The following SMARCA2 variants were observed in gnomAD, a reference collection of about 807,000 sequenced individuals.
SMARCA2 encodes SWI/SNF-related matrix-associated actin-dependent regulator of chromatin subfamily A member 2.
SMARCA2 carries 61 observed loss-of-function variants against 199.8 expected under a neutral mutation model. The observed-to-expected ratio is 0.31, with a 90% CI of 0.25 to 0.38. The LOEUF (loss-of-function observed/expected upper bound fraction) is 0.38. SMARCA2 is among the 10% of genes least tolerant of loss of function. SMARCA2 has a pLI of 1.00. For missense variants in SMARCA2, 1,344 were observed against 2,012.2 expected, an observed-to-expected ratio of 0.67 and a Z score of 6.35; for synonymous variants, 935 against 732.0, an observed-to-expected ratio of 1.28 and a Z score of -4.48.
intron 27 of SMARCA2, among the ~76,000 whole-genome samples, chr9:2,156,365 G>A (rs1825358850): frequency 6.7e-6 from 1 of 148,532 alleles, no homozygotes; most frequent in African/African-American, 2.5e-5. Context: ...TTTCTTTTCA[G>A]GGACTTTTTT....
At chr9:2,088,088 T>G (rs1463807236) in intron 18 of SMARCA2, among the ~76,000 whole-genome samples, 2 of 152,218 alleles carry the variant, frequency 1.3e-5, no homozygotes, top group Admixed American at 1.3e-4. Flanking sequence ...TTTCTGTGTC[T>G]GAGACAACCA....
rs1416976903 is a variant in SMARCA2, at chr9:2,136,076, G to A, written c.3981+12139G>A. Among the ~76,000 whole-genome samples, 7 of 150,844 alleles carry A rather than the reference G, an allele frequency of 4.6e-5. 1 individual carries two copies. The highest frequency in any genetic ancestry group is 7.1e-3 in the Middle Eastern group (2 of 280). On this transcript the variant is annotated intron_variant, in intron 27 of 33. Coordinates refer to ENST00000349721, the MANE Select transcript of SMARCA2 (RefSeq NM_003070.5). The stretch of plus-strand genomic sequence containing the variant: ...AGGCTGGTCTCGAACTCCTGATCTC[G>A]TGATCCGCCTGCCTCAGCCTCCCAA...
intron 16 of SMARCA2, 72 bp downstream of exon 16, chr9:2,083,485 C>A: frequency 3.3e-6 from 3 of 914,682 alleles, no homozygotes; most frequent in Non-Finnish European, 5.3e-6. Flanking sequence ...ATTCCATATG[C>A]ACATCTGTGA....
chr9:2,040,395 AC>A (rs1819554987), intron 4 of SMARCA2: 2 of 170,158 alleles, frequency 1.2e-5, no homozygotes, highest in Admixed American at 6.2e-5. Context: ...AAAATCAGCA[AC>A]AAGGGAAAAT....
chr9:2,102,961 GTTTT>G (rs111370241), intron 22 of SMARCA2, among the ~76,000 whole-genome samples: 1 of 137,582 alleles, frequency 7.3e-6, no homozygotes, highest in Non-Finnish European at 1.6e-5. Context: ...CATGCTCCCT[GTTTT>G]TTTTTTTTTT....
chr9:2,107,372 G>T (rs778544794), intron 23 of SMARCA2, among the ~76,000 whole-genome samples: 4 of 152,120 alleles, frequency 2.6e-5, no homozygotes, highest in Admixed American at 6.5e-5. Context: ...TGTCCCCCAG[G>T]CTGGAGTGCA....
chr9:2,126,461 G>A (rs1043894903), intron 27 of SMARCA2, among the ~76,000 whole-genome samples: 7 of 152,238 alleles, frequency 4.6e-5, no homozygotes, highest in Admixed American at 1.3e-4. Context: ...TTCACCAGCA[G>A]CAATCCTATT....
chr9:2,039,415 T>C lies in SMARCA2; in HGVS notation c.356-51T>C, dbSNP rs779021213. On this transcript the variant is annotated intron_variant, in intron 3 of 33. Coordinates refer to ENST00000349721, the MANE Select transcript of SMARCA2 (RefSeq NM_003070.5). The surrounding 1 kb of genome is among the most constrained non-coding windows in gnomAD (Gnocchi z 4.8). Reference sequence around the variant, plus strand: ...ATTAGAGTATTCAGGGATATCTCTCTTTCAGGGTTGTCAGGGGCAGCCTGT... The same window carrying C: ...ATTAGAGTATTCAGGGATATCTCTCCTTCAGGGTTGTCAGGGGCAGCCTGT... The C allele has an allele frequency of 4.5e-6, 7 of 1,569,026 alleles. No individual in the cohort carries two copies. The highest frequency in any genetic ancestry group is 6.1e-6 in the Non-Finnish European group (7 of 1,153,898).
At chr9:2,121,825 C>G (rs1823474132) in intron 26 of SMARCA2, among the ~76,000 whole-genome samples, 5 of 152,156 alleles carry the variant, frequency 3.3e-5, no homozygotes, top group Admixed American at 2.6e-4. Flanking sequence ...TCTTTGGCAG[C>G]TCAAGATAAG....
intron 31 of SMARCA2, among the ~76,000 whole-genome samples, chr9:2,182,486 T>TAG (rs1256444310): frequency 3.9e-4 from 35 of 90,786 alleles, no homozygotes; most frequent in African/African-American, 3.1e-3. Context: ...GTCTTTTTTT[T>TAG]TTTTTTTTTT....
chr9:2,148,994 G>C (rs1824905759), intron 27 of SMARCA2, among the ~76,000 whole-genome samples: 1 of 151,580 alleles, frequency 6.6e-6, no homozygotes, highest in South Asian at 2.1e-4. Flanking sequence ...ATACCAAAAA[G>C]CTATGGAAGC....
intron 27 of SMARCA2, among the ~76,000 whole-genome samples, chr9:2,149,037 ATTAGTAAAAC>A: frequency 1.3e-5 from 2 of 151,104 alleles, no homozygotes; most frequent in African/African-American, 4.9e-5. Context: ...AAGTGTGTTT[ATTAGTAAAAC>A]CTGCCTGTAT....
intron 27 of SMARCA2, among the ~76,000 whole-genome samples, chr9:2,140,083 C>T (rs929033084): frequency 6.6e-6 from 1 of 152,134 alleles, no homozygotes; most frequent in African/African-American, 2.4e-5. Flanking sequence ...TGCTACTTTC[C>T]TTGCAAATTA....
At chr9:2,157,380 A>G (rs371583051) in intron 27 of SMARCA2, among the ~76,000 whole-genome samples, 1 of 152,152 alleles carries the variant, frequency 6.6e-6, no homozygotes, top group African/African-American at 2.4e-5. Flanking sequence ...CTTAACCTGC[A>G]TTCTTTAACG....
At chr9:2,182,669 A>G (rs1250643973) in intron 31 of SMARCA2, among the ~76,000 whole-genome samples, 2 of 151,320 alleles carry the variant, frequency 1.3e-5, no homozygotes, top group African/African-American at 2.4e-5. Context: ...TGATTTTTGT[A>G]TTTGTAGTAC....
intron 21 of SMARCA2, among the ~76,000 whole-genome samples, chr9:2,101,140 G>T (rs935082133): frequency 1.3e-5 from 2 of 152,000 alleles, no homozygotes; most frequent in African/African-American, 2.4e-5. Flanking sequence ...ATTTGAGTAG[G>T]GACACAGCCA....
At chr9:2,048,512 A>C (rs1443068963) in intron 5 of SMARCA2, among the ~76,000 whole-genome samples, 1 of 152,226 alleles carries the variant, frequency 6.6e-6, no homozygotes, top group Non-Finnish European at 1.5e-5. Context: ...ATTATAGAGA[A>C]TGTTGGTAAA....
intron 19 of SMARCA2, 185 bp from the exon 20 acceptor site, chr9:2,096,472 G>A: frequency 1.9e-6 from 1 of 513,304 alleles, no homozygotes; most frequent in Non-Finnish European, 3.5e-6. Context: ...CATCATAATG[G>A]TACCTTGAAC....
At chr9:2,073,736 T>C in intron 12 of SMARCA2, 113 bp downstream of exon 12, 1 of 775,902 alleles carries the variant, frequency 1.3e-6, no homozygotes, top group Non-Finnish European at 2.2e-6. Context: ...TCCTCCAGGA[T>C]TGGCCTTTGG....
Sources: gnomAD v4.1 joint callset for allele counts (sites outside exome capture counted in the v4.1 genomes callset) on GRCh38, gnomAD v4.1.1 for gene constraint, Gnocchi (gnomAD v3.1) non-coding constraint, MANE v1.5 for transcripts, NCBI Gene and HGNC (gene_info 2026-07-23, HGNC 2026-07-21) for gene names.